The following GRIK4 variants were observed in gnomAD, a reference collection of about 807,000 sequenced individuals.
The protein encoded by GRIK4 is glutamate ionotropic receptor kainate type subunit 4.
A neutral mutation model predicts 104.9 loss-of-function variants in GRIK4; 40 were observed. That is an observed-to-expected ratio of 0.38 (90% CI 0.30 to 0.50). GRIK4 has a LOEUF of 0.50. Among genes scored for constraint, GRIK4 ranks in the 20% least tolerant of loss-of-function variants. The pLI is 0.93. For synonymous variants in GRIK4, 485 were observed against 524.9 expected, an observed-to-expected ratio of 0.92 and a Z score of 1.04; for missense variants, 1,047 against 1,308.1, an observed-to-expected ratio of 0.80 and a Z score of 3.08.
chr11:120,578,648 G>T (rs1418418639), intron 1 of GRIK4, among the ~76,000 whole-genome samples: 1 of 152,194 alleles, frequency 6.6e-6, no homozygotes, highest in Non-Finnish European at 1.5e-5. Flanking sequence ...CAACTTGGTG[G>T]AATTGGATTC....
At chr11:120,680,830 A>G (rs1950181476) in intron 3 of GRIK4, among the ~76,000 whole-genome samples, 1 of 152,224 alleles carries the variant, frequency 6.6e-6, no homozygotes, top group Non-Finnish European at 1.5e-5. Flanking sequence ...GACCTTGGCC[A>G]ATACCAAAGT....
intron 1 of GRIK4, among the ~76,000 whole-genome samples, chr11:120,638,540 T>A (rs1370790621): frequency 6.6e-6 from 1 of 151,738 alleles, no homozygotes; most frequent in African/African-American, 2.4e-5. Flanking sequence ...TGCAGTGGCA[T>A]GATCTCGGCT....
intron 1 of GRIK4, among the ~76,000 whole-genome samples, chr11:120,528,777 C>A (rs79915553): frequency 0.034 from 5,222 of 152,206 alleles, 237 homozygotes; most frequent in East Asian, 0.17. Context: ...CATGAGATCT[C>A]TCATGAGATG....
intron 11 of GRIK4, among the ~76,000 whole-genome samples, chr11:120,886,229 C>T (rs1166710182): frequency 6.6e-6 from 1 of 152,174 alleles, no homozygotes; most frequent in Non-Finnish European, 1.5e-5. Context: ...AAGGCTGCAC[C>T]GTGTCTTCTT....
intron 3 of GRIK4, among the ~76,000 whole-genome samples, chr11:120,756,264 C>T (rs1230172381): frequency 1.3e-5 from 2 of 152,196 alleles, no homozygotes; most frequent in Non-Finnish European, 2.9e-5. Context: ...TACTATGCTC[C>T]TCCCCCTCCA....
intron 1 of GRIK4, among the ~76,000 whole-genome samples, chr11:120,567,368 A>AG (rs1163329841): frequency 2.0e-5 from 3 of 151,872 alleles, no homozygotes; most frequent in African/African-American, 7.3e-5. Context: ...TGTATTGCCC[A>AG]GGTTGGTCTT....
At chr11:120,690,514 C>G (rs1309046917) in intron 3 of GRIK4, among the ~76,000 whole-genome samples, 1 of 152,256 alleles carries the variant, frequency 6.6e-6, no homozygotes, top group African/African-American at 2.4e-5. Context: ...TCTTTTTATT[C>G]TAAGAGTGAA....
chr11:120,589,734 T>G (rs1948712643), intron 1 of GRIK4, among the ~76,000 whole-genome samples: 1 of 152,150 alleles, frequency 6.6e-6, no homozygotes, highest in Admixed American at 6.5e-5. Context: ...GCATCTCCTA[T>G]CATCACAATT....
chr11:120,881,299 T>C (rs1200917555), intron 11 of GRIK4, among the ~76,000 whole-genome samples: 1 of 152,230 alleles, frequency 6.6e-6, no homozygotes, highest in African/African-American at 2.4e-5. Context: ...GATCAATTAA[T>C]TATTCCACTT....
At chr11:120,708,400 C>T (rs1950665233) in intron 3 of GRIK4, among the ~76,000 whole-genome samples, 2 of 152,132 alleles carry the variant, frequency 1.3e-5, no homozygotes, top group African/African-American at 4.8e-5. Context: ...AGCTCAGCTC[C>T]ACAGAGGTCC....
chr11:120,606,321 C>A (rs1345860518), intron 1 of GRIK4, among the ~76,000 whole-genome samples: 1 of 152,188 alleles, frequency 6.6e-6, no homozygotes, highest in Non-Finnish European at 1.5e-5. Flanking sequence ...GAGCAGCCAC[C>A]CTGACGGCCC....
At position 120,513,042 on chromosome 11, in the gene GRIK4, G is replaced by A. The variant is rs1156641465; in HGVS notation, c.-159+1155G>A. On this transcript the variant is annotated intron_variant, in intron 1 of 20. Transcript: ENST00000527524. This position sits in a 1 kb window ranked among gnomAD's most constrained non-coding sequence, Gnocchi z 4.5. ...TGGTGCTGTTGTCTGGTGATGCCAC[G>A]CGGTGCCACCTCCCTGCCTCCCTCC... Among the ~76,000 whole-genome samples the A allele has an allele frequency of 3.3e-5, 5 of 152,244 alleles. No individual in the cohort carries two copies. The highest frequency in any genetic ancestry group is 2.0e-4 in the Admixed American group (3 of 15,304).
intron 14 of GRIK4, among the ~76,000 whole-genome samples, chr11:120,941,487 G>A (rs999805): frequency 0.075 from 11,359 of 152,078 alleles, 1,404 homozygotes; most frequent in African/African-American, 0.26. Context: ...GGGTTGAATT[G>A]TGTCCCCCGC....
Position 120,903,731 on chromosome 11 carries a change from C to G in GRIK4, c.1273-1559C>G, listed in dbSNP as rs891389120. Among the ~76,000 whole-genome samples the G allele has an allele frequency of 1.3e-5, 2 of 152,180 alleles. No homozygotes were observed. Among genetic ancestry groups the G allele is most frequent in the South Asian group, 4.1e-4 (2 of 4,828 alleles). On this transcript the variant is annotated intron_variant, in intron 12 of 20. Coordinates refer to ENST00000527524, the MANE Select transcript of GRIK4 (RefSeq NM_014619.5). This position sits in a 1 kb window ranked among gnomAD's most constrained non-coding sequence, Gnocchi z 4.4. ...GTGGGGAAGGAGCTTGGAGGAGAGG[C>G]GATCTGCCCTCTCTGTGCCTGCCGC...
At chr11:120,922,241 TC>T (rs1464514595) in intron 13 of GRIK4, among the ~76,000 whole-genome samples, 1 of 152,198 alleles carries the variant, frequency 6.6e-6, no homozygotes, top group Non-Finnish European at 1.5e-5. Flanking sequence ...AAACTGAGGC[TC>T]TGAGGTCAAC....
At chr11:120,558,044 A>C (rs1948204800) in intron 1 of GRIK4, among the ~76,000 whole-genome samples, 1 of 148,282 alleles carries the variant, frequency 6.7e-6, no homozygotes, top group Non-Finnish European at 1.5e-5. Flanking sequence ...AAAAAAAAAG[A>C]AGTAATCGAC....
chr11:120,636,561 G>A (rs2135192114), intron 1 of GRIK4, among the ~76,000 whole-genome samples: 1 of 152,274 alleles, frequency 6.6e-6, no homozygotes. Flanking sequence ...GCTACTCTTG[G>A]CCAGGCACGG....
intron 3 of GRIK4, among the ~76,000 whole-genome samples, chr11:120,676,354 C>T (rs1330123799): frequency 1.3e-5 from 2 of 152,178 alleles, no homozygotes; most frequent in East Asian, 1.9e-4. Context: ...CCTTTTGCCA[C>T]GTGTCTTAGT....
intron 13 of GRIK4, chr11:120,936,076 C>CTCA: frequency 4.5e-6 from 1 of 223,106 alleles, no homozygotes. Context: ...CCTCCTCCTC[C>CTCA]TCTTCATCTT....
Sources: gnomAD v4.1 joint callset for allele counts (sites outside exome capture counted in the v4.1 genomes callset) on GRCh38, gnomAD v4.1.1 for gene constraint, Gnocchi (gnomAD v3.1) non-coding constraint, MANE v1.5 for transcripts, NCBI Gene and HGNC (gene_info 2026-07-23, HGNC 2026-07-21) for gene names.